The following ZDHHC14 variants were observed in gnomAD, a reference collection of about 807,000 sequenced individuals.
The protein encoded by ZDHHC14 is palmitoyltransferase ZDHHC14.
ZDHHC14 carries 16 observed loss-of-function variants against 47.7 expected under a neutral mutation model. The ratio of observed to expected loss-of-function variants is 0.34; its 90% CI spans 0.23 to 0.51. ZDHHC14 has a LOEUF of 0.51. Ranked by LOEUF, ZDHHC14 falls within the 20% of genes least tolerant of loss-of-function variation. The pLI is 0.97. For synonymous variants in ZDHHC14, 293 were observed against 278.9 expected, an observed-to-expected ratio of 1.05 and a Z score of -0.50; for missense variants, 515 against 662.5, an observed-to-expected ratio of 0.78 and a Z score of 2.44.
At chr6:157,398,803 T>C (rs776354363) in intron 1 of ZDHHC14, among the ~76,000 whole-genome samples, 12 of 152,252 alleles carry the variant, frequency 7.9e-5, no homozygotes, top group Non-Finnish European at 1.6e-4. Flanking sequence ...GTCGTTATAA[T>C]GACTCCTCTG....
At chr6:157,574,348 G>A (rs1262856058) in intron 2 of ZDHHC14, among the ~76,000 whole-genome samples, 3 of 152,076 alleles carry the variant, frequency 2.0e-5, no homozygotes, top group South Asian at 4.2e-4. Flanking sequence ...ACTTGAACCC[G>A]GGAGGTGGAG....
At chr6:157,412,640 T>A (rs1161536006) in intron 1 of ZDHHC14, among the ~76,000 whole-genome samples, 4 of 151,870 alleles carry the variant, frequency 2.6e-5, no homozygotes, top group Non-Finnish European at 5.9e-5. Context: ...GAAGTGGTCA[T>A]TACCTTCACA....
At chr6:157,533,624 G>A (rs1352893164) in intron 1 of ZDHHC14, among the ~76,000 whole-genome samples, 1 of 152,214 alleles carries the variant, frequency 6.6e-6, no homozygotes, top group Admixed American at 6.5e-5. Context: ...ACAGGAGCCA[G>A]ATGGCTTTGT....
At chr6:157,436,518 G>A (rs1778441906) in intron 1 of ZDHHC14, among the ~76,000 whole-genome samples, 1 of 144,962 alleles carries the variant, frequency 6.9e-6, no homozygotes, top group Non-Finnish European at 1.5e-5. Flanking sequence ...AGGAGATGCA[G>A]TAGTGAGTTA....
chr6:157,455,720 A>T (rs1778896913), intron 1 of ZDHHC14, among the ~76,000 whole-genome samples: 1 of 152,174 alleles, frequency 6.6e-6, no homozygotes, highest in Non-Finnish European at 1.5e-5. Context: ...CTTCATGAGG[A>T]ACAGAATGTG....
At chr6:157,471,034 C>G (rs1411820055) in intron 1 of ZDHHC14, among the ~76,000 whole-genome samples, 1 of 152,196 alleles carries the variant, frequency 6.6e-6, no homozygotes, top group Non-Finnish European at 1.5e-5. Flanking sequence ...GTCAGTCTCT[C>G]CCAGGGACCT....
chr6:157,574,702 T>C (rs1296352970), intron 2 of ZDHHC14, among the ~76,000 whole-genome samples: 1 of 152,252 alleles, frequency 6.6e-6, no homozygotes, highest in Non-Finnish European at 1.5e-5. Flanking sequence ...TTTTAAAGTT[T>C]CTGGAATGTA....
At chr6:157,511,609 G>C (rs2114750843) in intron 1 of ZDHHC14, among the ~76,000 whole-genome samples, 1 of 145,792 alleles carries the variant, frequency 6.9e-6, no homozygotes, top group South Asian at 2.1e-4. Context: ...GGTCAGGCTG[G>C]TCTCGAACTC....
At chr6:157,554,019 C>G (rs1782354157) in intron 2 of ZDHHC14, among the ~76,000 whole-genome samples, 1 of 152,212 alleles carries the variant, frequency 6.6e-6, no homozygotes, top group Admixed American at 6.5e-5. Context: ...AGAGAAAAAA[C>G]TTGGCTGACA....
intron 1 of ZDHHC14, among the ~76,000 whole-genome samples, chr6:157,410,109 TA>T (rs1483328873): frequency 6.6e-6 from 1 of 152,192 alleles, no homozygotes; most frequent in African/African-American, 2.4e-5. Context: ...GGCATTCCAG[TA>T]CCTGTTGGTC....
At chr6:157,587,767 A>G (rs992040420) in intron 2 of ZDHHC14, among the ~76,000 whole-genome samples, 2 of 152,152 alleles carry the variant, frequency 1.3e-5, no homozygotes, top group African/African-American at 4.8e-5. Flanking sequence ...GTACTTTCAC[A>G]AACACCAAAG....
chr6:157,562,810 C>T (rs1324082738), intron 2 of ZDHHC14, among the ~76,000 whole-genome samples: 1 of 152,080 alleles, frequency 6.6e-6, no homozygotes, highest in Non-Finnish European at 1.5e-5. Context: ...AGAGGGGCAG[C>T]CTCCTCAGAA....
intron 8 of ZDHHC14, among the ~76,000 whole-genome samples, chr6:157,667,587 A>C (rs1462786094): frequency 1.3e-5 from 2 of 151,140 alleles, no homozygotes; most frequent in African/African-American, 4.9e-5. Flanking sequence ...TCAACAAGAA[A>C]TGGGCAAATA....
chr6:157,611,146 C>T (rs916058247), intron 3 of ZDHHC14, among the ~76,000 whole-genome samples: 10 of 152,256 alleles, frequency 6.6e-5, no homozygotes, highest in South Asian at 4.1e-4. Flanking sequence ...GCTATAGGCA[C>T]GCGCCACCAT....
In ZDHHC14 at chr6:157,586,946, C is replaced by A. The variant is rs572827281; in HGVS notation, c.407-6042C>A. ...ATCTTTTAAAAAATGCACTTTGGAA[C>A]TAAAGATCAATAGAGTTTATCTTCA... On this transcript the variant is annotated intron_variant, in intron 2 of 8. Coordinates refer to ENST00000359775, the MANE Select transcript of ZDHHC14 (RefSeq NM_024630.3). This position sits in a 1 kb window ranked among gnomAD's most constrained non-coding sequence, Gnocchi z 4.6. Among the ~76,000 whole-genome samples the A allele has an allele frequency of 6.6e-6, 1 of 152,172 alleles. No homozygotes were observed.
chr6:157,478,960 G>T (rs904621626), intron 1 of ZDHHC14, among the ~76,000 whole-genome samples: 4 of 152,218 alleles, frequency 2.6e-5, no homozygotes, highest in Non-Finnish European at 5.9e-5. Context: ...GATCTGGGTT[G>T]GTTCCCATGC....
chr6:157,651,518 G>A (rs1229447620), intron 7 of ZDHHC14, among the ~76,000 whole-genome samples: 2 of 152,210 alleles, frequency 1.3e-5, no homozygotes, highest in South Asian at 2.1e-4. Context: ...CAGGTACCAG[G>A]TTAAGACTTC....
At chr6:157,670,758 T>A (rs1422362825) in intron 8 of ZDHHC14, among the ~76,000 whole-genome samples, 1 of 152,118 alleles carries the variant, frequency 6.6e-6, no homozygotes, top group Non-Finnish European at 1.5e-5. Flanking sequence ...AGGATCTTCG[T>A]GAGACTTGCT....
chr6:157,466,214 T>G (rs1305431347), intron 1 of ZDHHC14, among the ~76,000 whole-genome samples: 3 of 152,110 alleles, frequency 2.0e-5, no homozygotes, highest in African/African-American at 7.2e-5. Flanking sequence ...TGATGCTGGC[T>G]TACCTCTCCC....
Sources: gnomAD v4.1 joint callset for allele counts (sites outside exome capture counted in the v4.1 genomes callset) on GRCh38, gnomAD v4.1.1 for gene constraint, Gnocchi (gnomAD v3.1) non-coding constraint, MANE v1.5 for transcripts, NCBI Gene and HGNC (gene_info 2026-07-23, HGNC 2026-07-21) for gene names.